CNBD1: variants seen among roughly 807,000 people sequenced by gnomAD.
CNBD1 encodes the protein cyclic nucleotide binding domain containing 1.
CNBD1 carries 71 observed loss-of-function variants against 54.4 expected under a neutral mutation model. The observed-to-expected ratio is 1.30, with a 90% CI of 1.08 to 1.59. CNBD1 has a LOEUF of 1.59. Among genes scored for constraint, CNBD1 ranks in the 40% most tolerant of loss-of-function variants. The probability of loss-of-function intolerance (pLI) is 0.00; values close to 1 mark genes in which losing one functional copy is unlikely to be tolerated. For synonymous variants in CNBD1, 182 were observed against 170.7 expected, an observed-to-expected ratio of 1.07 and a Z score of -0.51; for missense variants, 659 against 518.0, an observed-to-expected ratio of 1.27 and a Z score of -2.64.
At chr8:86,952,780 G>A (rs74567384) in intron 4 of CNBD1, among the ~76,000 whole-genome samples, 7,538 of 152,108 alleles carry the variant, frequency 0.05, 415 homozygotes, top group African/African-American at 0.14. Context: ...TAAATCTGTG[G>A]TATAAACCAT....
At chr8:86,917,375 G>T (rs1809203612) in intron 3 of CNBD1, among the ~76,000 whole-genome samples, 1 of 152,120 alleles carries the variant, frequency 6.6e-6, no homozygotes, top group Non-Finnish European at 1.5e-5. Context: ...TGTACAGGAA[G>T]ACCTAAATTG....
At chr8:87,377,936 C>A (rs907826913) in intron 10 of CNBD1, among the ~76,000 whole-genome samples, 5 of 148,258 alleles carry the variant, frequency 3.4e-5, no homozygotes, top group African/African-American at 1.0e-4. Context: ...TGTTTTTTGG[C>A]TGCATAAATG....
At chr8:86,977,778 G>C (rs1043380446) in intron 4 of CNBD1, among the ~76,000 whole-genome samples, 2 of 152,060 alleles carry the variant, frequency 1.3e-5, no homozygotes, top group Non-Finnish European at 2.9e-5. Flanking sequence ...CTTAGGACCA[G>C]GTGGCTTCAT....
At chr8:87,307,437 G>A (rs1334815753) in intron 8 of CNBD1, among the ~76,000 whole-genome samples, 1 of 152,156 alleles carries the variant, frequency 6.6e-6, no homozygotes, top group East Asian at 1.9e-4. Context: ...GAAAACTTAA[G>A]TGATCAGAAC....
intron 4 of CNBD1, among the ~76,000 whole-genome samples, chr8:87,068,107 T>A (rs1021435521): frequency 6.6e-6 from 1 of 152,046 alleles, no homozygotes; most frequent in African/African-American, 2.4e-5. Flanking sequence ...ATTGCTTTTT[T>A]AATTGCAACT....
intron 4 of CNBD1, among the ~76,000 whole-genome samples, chr8:87,157,220 C>T (rs1434360800): frequency 6.6e-6 from 1 of 152,166 alleles, no homozygotes; most frequent in Non-Finnish European, 1.5e-5. Context: ...ATTAACAATG[C>T]ACTTTCTTTT....
chr8:86,994,371 CAGA>C, intron 4 of CNBD1, among the ~76,000 whole-genome samples: 1 of 152,238 alleles, frequency 6.6e-6, no homozygotes, highest in East Asian at 1.9e-4. Context: ...GCCTATAGAA[CAGA>C]TGTGCCACAG....
intron 8 of CNBD1, among the ~76,000 whole-genome samples, chr8:87,318,677 T>G (rs1809452705): frequency 6.6e-6 from 1 of 151,808 alleles, no homozygotes; most frequent in African/African-American, 2.4e-5. Flanking sequence ...AAATAAAACC[T>G]GGAAGACTCT....
intron 4 of CNBD1, among the ~76,000 whole-genome samples, chr8:87,056,356 C>A (rs1169720337): frequency 6.6e-6 from 1 of 152,122 alleles, no homozygotes; most frequent in African/African-American, 2.4e-5. Context: ...GGGGGCAACA[C>A]ACAACTGTAC....
At chr8:87,281,549 T>G (rs1409570895) in intron 6 of CNBD1, among the ~76,000 whole-genome samples, 104 of 786 alleles carry the variant, frequency 0.13, 3 homozygotes, top group Middle Eastern at 0.5. Flanking sequence ...AAGATATATA[T>G]ATATATATAT....
chr8:87,352,741 G>T (rs925392398), intron 9 of CNBD1, among the ~76,000 whole-genome samples: 1 of 151,982 alleles, frequency 6.6e-6, no homozygotes, highest in Middle Eastern at 3.2e-3. Flanking sequence ...TAATTACTGT[G>T]GTAGAAAAGT....
At chr8:87,320,694 C>A (rs1323712236) in intron 8 of CNBD1, among the ~76,000 whole-genome samples, 1 of 151,636 alleles carries the variant, frequency 6.6e-6, no homozygotes, top group Non-Finnish European at 1.5e-5. Context: ...CACCTTAAAA[C>A]CTATGTGTTT....
chr8:87,353,950 G>T, intron 10 of CNBD1, 164 bp downstream of exon 10: 1 of 505,052 alleles, frequency 2.0e-6, no homozygotes. Flanking sequence ...TTCTCTCTTG[G>T]TGAATTTTGA....
intron 2 of CNBD1, among the ~76,000 whole-genome samples, chr8:87,400,129 G>A (rs1563587553): frequency 6.6e-6 from 1 of 151,956 alleles, no homozygotes; most frequent in Admixed American, 6.6e-5. Flanking sequence ...CTGTCTGAGC[G>A]ACTCCCGAGG....
At chr8:86,884,380 TG>T (rs1209271675) in intron 1 of CNBD1, among the ~76,000 whole-genome samples, 16 of 152,204 alleles carry the variant, frequency 1.1e-4, no homozygotes, top group African/African-American at 3.9e-4. Context: ...ATTATTCTTT[TG>T]CCTCTGAAGG....
intron 2 of CNBD1, among the ~76,000 whole-genome samples, chr8:87,423,596 T>A (rs1807985939): frequency 6.7e-6 from 1 of 148,456 alleles, no homozygotes; most frequent in South Asian, 2.1e-4. Flanking sequence ...TTGCGTATAT[T>A]GAACCAGCCT....
intron 8 of CNBD1, among the ~76,000 whole-genome samples, chr8:87,313,148 G>A (rs968725095): frequency 6.6e-6 from 1 of 151,982 alleles, no homozygotes; most frequent in African/African-American, 2.4e-5. Flanking sequence ...CTTTAGAAAG[G>A]ATAAAGTGAT....
chr8:86,964,958 C>A (rs537460210), intron 4 of CNBD1, among the ~76,000 whole-genome samples: 1 of 152,164 alleles, frequency 6.6e-6, no homozygotes, highest in South Asian at 2.1e-4. Context: ...TATGGAAAAG[C>A]TTTCTTCTTG....
intron 6 of CNBD1, among the ~76,000 whole-genome samples, chr8:87,269,690 G>C (rs551459249): frequency 2.0e-5 from 3 of 152,064 alleles, no homozygotes; most frequent in Admixed American, 6.6e-5. Context: ...ATTGTAAATG[G>C]AATTGCTTTC....
Sources: gnomAD v4.1 joint callset for allele counts (sites outside exome capture counted in the v4.1 genomes callset) on GRCh38, gnomAD v4.1.1 for gene constraint, MANE v1.5 for transcripts, NCBI Gene and HGNC (gene_info 2026-07-23, HGNC 2026-07-21) for gene names.